DGKG: variants seen among roughly 807,000 people sequenced by gnomAD.
The protein encoded by DGKG is DAG kinase gamma.
A neutral mutation model predicts 105.3 loss-of-function variants in DGKG; 78 were observed. The ratio of observed to expected loss-of-function variants is 0.74; its 90% confidence interval spans 0.62 to 0.89. The LOEUF (loss-of-function observed/expected upper bound fraction) is 0.89. Ranked by LOEUF, DGKG falls within the 40% of genes least tolerant of loss-of-function variation. The probability of loss-of-function intolerance (pLI) is 0.00; values close to 1 mark genes in which losing one functional copy is unlikely to be tolerated. For missense variants in DGKG, 958 were observed against 1,020.1 expected (o/e 0.94, Z 0.83); for synonymous variants, 346 against 367.1 (o/e 0.94, Z 0.66).
At chr3:186,298,354 G>A (rs1723699719) in intron 3 of DGKG, 125 bp from the exon 4 acceptor site, 1 of 851,470 alleles carries the variant, frequency 1.2e-6, no homozygotes, top group Non-Finnish European at 1.8e-6. Context: ...AGGACATGGA[G>A]GAGCTGATGG....
At chr3:186,267,818 A>G in intron 12 of DGKG, 41 bp from the exon 13 acceptor site, 1 of 1,581,178 alleles carries the variant, frequency 6.3e-7, no homozygotes, top group Non-Finnish European at 8.7e-7. Flanking sequence ...GAAAGTGAGC[A>G]AAGAAACATC....
At chr3:186,170,073 G>A (rs1320311393) in intron 22 of DGKG, among the ~76,000 whole-genome samples, 1 of 152,146 alleles carries the variant, frequency 6.6e-6, no homozygotes, top group East Asian at 1.9e-4. Flanking sequence ...GATGTTGGAG[G>A]GTGGGATTAG....
intron 9 of DGKG, among the ~76,000 whole-genome samples, chr3:186,278,836 T>C (rs1722703940): frequency 6.6e-6 from 1 of 152,196 alleles, no homozygotes; most frequent in Admixed American, 6.5e-5. Flanking sequence ...AGGTGTAATC[T>C]TTGAGATCTG....
chr3:186,168,468 T>C (rs1174379163), intron 22 of DGKG, among the ~76,000 whole-genome samples: 1 of 152,180 alleles, frequency 6.6e-6, no homozygotes, highest in East Asian at 1.9e-4. Flanking sequence ...GGGGTTCCAA[T>C]CTGGCCCATC....
chr3:186,234,917 T>C (rs1445869777), intron 20 of DGKG, among the ~76,000 whole-genome samples: 3 of 152,226 alleles, frequency 2.0e-5, no homozygotes, highest in Non-Finnish European at 4.4e-5. Context: ...CATCCACCAC[T>C]GTAGATGATC....
chr3:186,288,686 C>T, intron 6 of DGKG, 24 bp downstream of exon 6: 1 of 1,612,390 alleles, frequency 6.2e-7, no homozygotes, highest in East Asian at 2.2e-5. Context: ...AAAGCTGAAG[C>T]CCCTTGACAG....
At chr3:186,250,773 C>T (rs939840468) in intron 19 of DGKG, among the ~76,000 whole-genome samples, 1 of 152,010 alleles carries the variant, frequency 6.6e-6, no homozygotes, top group South Asian at 2.1e-4. Context: ...TGGTCTCGAA[C>T]TCCTGGCCTC....
chr3:186,223,559 G>A (rs1319994905), intron 20 of DGKG, among the ~76,000 whole-genome samples: 1 of 152,076 alleles, frequency 6.6e-6, no homozygotes, highest in East Asian at 1.9e-4. Flanking sequence ...TAGGGCAGAT[G>A]CCTGGATAAA....
intron 15 of DGKG, 76 bp from the exon 16 acceptor site, chr3:186,260,589 G>A: frequency 8.8e-7 from 1 of 1,136,916 alleles, no homozygotes; most frequent in Non-Finnish European, 1.3e-6. Context: ...TCACATTAGG[G>A]CAAACACCTC....
chr3:186,158,233 C>T (rs1716128073), intron 24 of DGKG: 1 of 699,870 alleles, frequency 1.4e-6, no homozygotes, highest in African/African-American at 1.9e-5. Flanking sequence ...TTTATTATTG[C>T]TCTTCTAATT....
intron 19 of DGKG, among the ~76,000 whole-genome samples, chr3:186,245,121 T>C (rs1002048238): frequency 2.0e-5 from 3 of 152,198 alleles, no homozygotes; most frequent in Admixed American, 2.0e-4. Flanking sequence ...CTCCCAGCTT[T>C]TTTATTCTCC....
rs112710070 is a variant in DGKG at position 186,297,949 on chromosome 3, C to T, written c.310+115G>A. The T allele has an allele frequency of 6.8e-3, 8,441 of 1,241,818 alleles. 327 individuals are homozygous for T. In the African/African-American group the frequency reaches 0.092, roughly 14 times the overall value. The allele number at this position is 1,241,818 out of a possible 1,614,324, so 76.9% of individuals were successfully genotyped here. The stretch of plus-strand genomic sequence containing the variant: ...GCGTCCCTGTCCCTTGGTTCATGTT[C>T]GCACCGTTGGGGCAGTTACTATGTT... On this transcript the variant is annotated intron_variant, in intron 4 of 24. Transcript: ENST00000265022.
intron 21 of DGKG, among the ~76,000 whole-genome samples, chr3:186,188,950 G>A (rs1270222797): frequency 6.6e-6 from 1 of 152,162 alleles, no homozygotes; most frequent in East Asian, 1.9e-4. Flanking sequence ...GAGTAGCTGG[G>A]ATTACAGGCA....
chr3:186,148,454 C>A lies in DGKG; in HGVS notation c.*1636G>T, dbSNP rs9835936. On this transcript the variant is annotated 3_prime_UTR_variant, in exon 25 of 25. Transcript: ENST00000265022. The stretch of plus-strand genomic sequence containing the variant: ...GTCAGAGAGAACCTCTGGGAAGCAG[C>A]ATGAGGCGCTCGTTTTCTTGTGTGG... The A allele has an allele frequency of 0.46, 450,917 of 985,094 alleles. 107,615 individuals carry two copies. The highest frequency in any genetic ancestry group is 0.75 in the East Asian group (6,567 of 8,788). 61.0% of individuals were successfully genotyped at this position (985,094 alleles called of 1,614,324 possible).
chr3:186,197,512 G>A (rs752827997), intron 21 of DGKG, among the ~76,000 whole-genome samples: 4 of 152,148 alleles, frequency 2.6e-5, no homozygotes, highest in Admixed American at 6.5e-5. Flanking sequence ...TGCAGCCCCC[G>A]GGGCCTGTGG....
chr3:186,257,697 T>TTTTC, intron 17 of DGKG, 157 bp downstream of exon 17: 1 of 553,176 alleles, frequency 1.8e-6, no homozygotes, highest in South Asian at 2.3e-5. Flanking sequence ...TTTTTTTTTT[T>TTTTC]CCACCCAAAG....
chr3:186,278,653 C>T (rs1722694990), intron 9 of DGKG, among the ~76,000 whole-genome samples: 2 of 152,182 alleles, frequency 1.3e-5, no homozygotes, highest in Admixed American at 1.3e-4. Context: ...AAGCACTGGA[C>T]ATGCTATGAA....
At chr3:186,253,926 C>G (rs1473966694) in intron 17 of DGKG, among the ~76,000 whole-genome samples, 1 of 152,198 alleles carries the variant, frequency 6.6e-6, no homozygotes, top group Non-Finnish European at 1.5e-5. Context: ...TGAACAAAAC[C>G]TCCAGGTGTT....
intron 24 of DGKG, chr3:186,158,256 AT>A: frequency 1.4e-6 from 1 of 737,682 alleles, no homozygotes; most frequent in Non-Finnish European, 1.7e-6. Context: ...AGTATTATTC[AT>A]TACATTTTAC....
Sources: gnomAD v4.1 joint callset for allele counts (sites outside exome capture counted in the v4.1 genomes callset) on GRCh38, gnomAD v4.1.1 for gene constraint, MANE v1.5 for transcripts, NCBI Gene and HGNC (gene_info 2026-07-23, HGNC 2026-07-21) for gene names.